The following LDLRAD4 variants were observed in gnomAD, a reference collection of about 807,000 sequenced individuals.
LDLRAD4 encodes the protein low-density lipoprotein receptor class A domain-containing protein 4.
LDLRAD4 carries 5 observed loss-of-function variants against 17.0 expected under a neutral mutation model. The observed-to-expected ratio is 0.29, with a 90% CI of 0.15 to 0.62. LDLRAD4 has a LOEUF of 0.62. LDLRAD4 is among the 20% of genes least tolerant of loss of function. The probability of loss-of-function intolerance (pLI) is 0.84; values close to 1 mark genes in which losing one functional copy is unlikely to be tolerated. For synonymous variants in LDLRAD4, 168 were observed against 171.8 expected (o/e 0.98, Z 0.17); for missense variants, 340 against 424.7 (o/e 0.80, Z 1.75).
At chr18:13,544,376 T>C (rs1443334090) in intron 3 of LDLRAD4, among the ~76,000 whole-genome samples, 2 of 152,186 alleles carry the variant, frequency 1.3e-5, no homozygotes, top group Non-Finnish European at 2.9e-5. Context: ...CCTCCCCACC[T>C]CCTGGGCAGG....
At chr18:13,449,264 T>C (rs1215528421) in intron 3 of LDLRAD4, among the ~76,000 whole-genome samples, 1 of 152,204 alleles carries the variant, frequency 6.6e-6, no homozygotes, top group East Asian at 1.9e-4. Context: ...GGGCACCTTC[T>C]TGCCCTAGAC....
intron 3 of LDLRAD4, among the ~76,000 whole-genome samples, chr18:13,443,414 C>T (rs1434608478): frequency 6.6e-6 from 1 of 152,188 alleles, no homozygotes; most frequent in Non-Finnish European, 1.5e-5. Context: ...TGTGCATAAC[C>T]TGGGCTTGCA....
intron 2 of LDLRAD4, among the ~76,000 whole-genome samples, chr18:13,394,956 C>T (rs567633850): frequency 6.6e-6 from 1 of 152,202 alleles, no homozygotes; most frequent in Non-Finnish European, 1.5e-5. Context: ...TAGCCTCTTC[C>T]TCTGTTAGTG....
At chr18:13,446,527 G>C (rs2091418130) in intron 3 of LDLRAD4, among the ~76,000 whole-genome samples, 1 of 152,218 alleles carries the variant, frequency 6.6e-6, no homozygotes, top group African/African-American at 2.4e-5. Context: ...CTGTGTGTCA[G>C]GGATCATTGA....
chr18:13,403,588 A>G (rs144670203), intron 2 of LDLRAD4, among the ~76,000 whole-genome samples: 96 of 152,332 alleles, frequency 6.3e-4, no homozygotes, highest in African/African-American at 2.2e-3. Flanking sequence ...TTTCTCTGTG[A>G]AATCAGGAAT....
intron 4 of LDLRAD4, among the ~76,000 whole-genome samples, chr18:13,624,288 C>T (rs544927327): frequency 2.6e-5 from 4 of 152,292 alleles, no homozygotes; most frequent in East Asian, 3.9e-4. Context: ...ATCCACAGAG[C>T]GGAGAGCTCT....
intron 3 of LDLRAD4, among the ~76,000 whole-genome samples, chr18:13,561,197 C>T (rs2094537066): frequency 1.3e-5 from 2 of 152,150 alleles, no homozygotes; most frequent in Non-Finnish European, 1.5e-5. Flanking sequence ...GGTTGAAAGG[C>T]GTTAAGAGCG....
At chr18:13,431,351 G>A (rs546724551) in intron 2 of LDLRAD4, among the ~76,000 whole-genome samples, 1 of 152,254 alleles carries the variant, frequency 6.6e-6, no homozygotes, top group African/African-American at 2.4e-5. Flanking sequence ...ATGCCTCCTC[G>A]CATCTTACAG....
intron 1 of LDLRAD4, among the ~76,000 whole-genome samples, chr18:13,220,307 TA>T (rs1424160408): frequency 6.6e-6 from 1 of 152,266 alleles, no homozygotes; most frequent in African/African-American, 2.4e-5. Context: ...ATGACCTCTC[TA>T]ATTTCTTAAC....
At chr18:13,595,155 A>AT (rs540460544) in intron 3 of LDLRAD4, among the ~76,000 whole-genome samples, 33 of 150,458 alleles carry the variant, frequency 2.2e-4, no homozygotes, top group Non-Finnish European at 3.7e-4. Context: ...AGATTTCTTA[A>AT]TTTTTTCTGT....
At chr18:13,392,730 A>T (rs2086370973) in intron 2 of LDLRAD4, among the ~76,000 whole-genome samples, 1 of 152,176 alleles carries the variant, frequency 6.6e-6, no homozygotes, top group African/African-American at 2.4e-5. Flanking sequence ...TAATTTTCTT[A>T]GGCTTTTTAA....
intron 3 of LDLRAD4, among the ~76,000 whole-genome samples, chr18:13,458,671 G>A (rs962868357): frequency 6.6e-6 from 1 of 152,206 alleles, no homozygotes. Flanking sequence ...TATGACTAAG[G>A]CTAAGGACCT....
chr18:13,386,946 AGATG>A lies in LDLRAD4; in HGVS notation c.-382-383_-382-380del, dbSNP rs1233023596. ...TAGATAGATAGATAGATAGATAGAT[AGATG>A]GATGGATGGATAGATAAGATAGATA... On this transcript the variant is annotated intron_variant, in intron 1 of 5. Transcript: ENST00000359446. Among the ~76,000 whole-genome samples the A allele has an allele frequency of 4.2e-3, 410 of 98,412 alleles. 4 individuals are homozygous for A. The highest frequency in any genetic ancestry group is 6.4e-3 in the Admixed American group (59 of 9,278). The allele number at this position is 98,412 out of a possible 152,430, so 64.6% of individuals were successfully genotyped here.
intron 1 of LDLRAD4, among the ~76,000 whole-genome samples, chr18:13,228,534 T>C (rs763036738): frequency 1.1e-4 from 16 of 152,136 alleles, no homozygotes; most frequent in Non-Finnish European, 2.4e-4. Flanking sequence ...CTGGATACAA[T>C]GTGTGCAGGA....
In LDLRAD4 at chr18:13,531,044, C is replaced by A. The variant is rs2094119975; in HGVS notation, c.182-90073C>A. ...TCTGCTGACCACACTGTGCCACCTG[C>A]AGGCTGGTCCGCTTGCTGGCTGTTC... is the stretch of plus-strand genomic sequence containing the variant. On this transcript the variant is annotated intron_variant, in intron 3 of 5. Coordinates refer to ENST00000359446, the Ensembl canonical transcript of LDLRAD4. 1.3e-5 allele frequency among the ~76,000 whole-genome samples: 2 copies of A among 152,214 alleles called. 1 individual carries two copies. The highest frequency in any genetic ancestry group is 4.1e-4 in the South Asian group (2 of 4,828).
intron 1 of LDLRAD4, among the ~76,000 whole-genome samples, chr18:13,228,746 G>C (rs2041930461): frequency 6.6e-6 from 1 of 152,156 alleles, no homozygotes; most frequent in Non-Finnish European, 1.5e-5. Flanking sequence ...CTTCTATTGG[G>C]TTTGAATATG....
chr18:13,620,041 G>A (rs1033760219), intron 3 of LDLRAD4, among the ~76,000 whole-genome samples: 1 of 152,020 alleles, frequency 6.6e-6, no homozygotes, highest in African/African-American at 2.4e-5. Flanking sequence ...GGGATCCAGA[G>A]AACCCCTCGT....
At chr18:13,407,078 A>G (rs926375679) in intron 2 of LDLRAD4, among the ~76,000 whole-genome samples, 3 of 152,176 alleles carry the variant, frequency 2.0e-5, no homozygotes, top group African/African-American at 7.2e-5. Context: ...GCGTGGCGGT[A>G]TGCATTTTAA....
chr18:13,319,823 C>T (rs1275049383), intron 1 of LDLRAD4, among the ~76,000 whole-genome samples: 2 of 152,160 alleles, frequency 1.3e-5, no homozygotes, highest in Non-Finnish European at 2.9e-5. Flanking sequence ...CCTTTGAGGT[C>T]AATATTTCCG....
Sources: allele counts gnomAD v4.1 joint callset (sites outside exome capture counted in the v4.1 genomes callset), GRCh38; gene constraint gnomAD v4.1.1; transcripts MANE v1.5; gene names NCBI Gene and HGNC (gene_info 2026-07-23, HGNC 2026-07-21).